SPIRE1: variants seen among roughly 807,000 people sequenced by gnomAD.
SPIRE1 encodes the protein protein spire homolog 1.
SPIRE1 carries 40 observed loss-of-function variants against 94.1 expected under a neutral mutation model. The ratio of observed to expected loss-of-function variants is 0.43; its 90% CI spans 0.33 to 0.55. SPIRE1 has a LOEUF of 0.55. SPIRE1 is among the 20% of genes least tolerant of loss of function. SPIRE1 has a pLI of 0.06. For synonymous variants in SPIRE1, 376 were observed against 371.7 expected (o/e 1.01, Z -0.13); for missense variants, 838 against 975.2 (o/e 0.86, Z 1.87).
chr18:12,546,805 C>G lies in SPIRE1; in HGVS notation c.472G>C (p.Asp158His). 1 of 1,614,038 alleles carries G rather than the reference C, an allele frequency of 6.2e-7. No homozygotes were observed. The highest frequency in any genetic ancestry group is 8.5e-7 in the Non-Finnish European group (1 of 1,179,998). ...ELSPPLEQLI[D>H]HMANTVEADG... Reference sequence around the variant, plus strand: ...GCTTCCACCGTGTTGGCCATGTGATCGATAAGCTGCTCTAGGGGAGGGCTT... The same window carrying G: ...GCTTCCACCGTGTTGGCCATGTGATGGATAAGCTGCTCTAGGGGAGGGCTT... The change falls in exon 3 of 17, where the codon GAT becomes CAT. Residue 158 changes from aspartate (D) to histidine (H), a missense_variant. This residue lies in a region of SPIRE1 where 645 missense variants were observed against 804.7 expected (regional missense o/e 0.80). Transcript: ENST00000409402.
At chr18:12,509,446 A>G (rs1173431791) in intron 5 of SPIRE1, among the ~76,000 whole-genome samples, 2 of 152,174 alleles carry the variant, frequency 1.3e-5, no homozygotes, top group Non-Finnish European at 2.9e-5. Flanking sequence ...TTTAAAATTT[A>G]TTGGCCAAGA....
At position 12,463,357 on chromosome 18, in the gene SPIRE1, G is replaced by A. The variant is rs1179839598; in HGVS notation, c.1632C>T (p.Arg544=). 1 of 1,613,118 alleles carries A rather than the reference G, an allele frequency of 6.2e-7. No individual in the cohort carries two copies. Among genetic ancestry groups the A allele is most frequent in the Non-Finnish European group, 8.5e-7 (1 of 1,179,522 alleles). The change falls in exon 12 of 17, where the codon CGC becomes CGT. Residue 544 remains arginine, a synonymous_variant. Transcript: ENST00000409402. ...QFLPPSRQSS[R]SLEEFCYPVE... is the part of the protein sequence containing the mutation. ...AAGTCTTTCCTGTACTTACAAGAGA[G>A]CGGGAACTCTGCCTGGAAGGCGGCA...
chr18:12,564,828 G>A (rs934387044), intron 2 of SPIRE1, among the ~76,000 whole-genome samples: 2 of 152,094 alleles, frequency 1.3e-5, no homozygotes, highest in Non-Finnish European at 2.9e-5. Context: ...ATGTTTTACC[G>A]AAGAGAACTG....
intron 10 of SPIRE1, among the ~76,000 whole-genome samples, chr18:12,466,582 T>C (rs1046814371): frequency 1.3e-5 from 2 of 152,178 alleles, no homozygotes; most frequent in Non-Finnish European, 2.9e-5. Flanking sequence ...GTCCAGCCTA[T>C]AGGCATTTTT....
At chr18:12,645,708 C>T (rs1432259433) in intron 1 of SPIRE1, among the ~76,000 whole-genome samples, 2 of 152,118 alleles carry the variant, frequency 1.3e-5, no homozygotes, top group African/African-American at 4.8e-5. Flanking sequence ...ATCTACAAAG[C>T]CCCTACATTT....
Position 12,506,540 on chromosome 18 carries a change from G to T in SPIRE1, c.909C>A (p.Leu303=), listed in dbSNP as rs775457586. Residue 303 remains leucine (L), a synonymous_variant, in exon 6 of 17, where the codon CTC becomes CTA. Transcript: ENST00000409402. ...QYNPLPIEYQ[L]TPYEMLMDDI... is the part of the protein sequence containing the mutation. ...CATCCATTAACATCTCATAAGGGGT[G>T]AGCTGATATTCAATGGGCAAAGGGT... 6 of 1,613,852 alleles carry T rather than the reference G, an allele frequency of 3.7e-6. No individual in the cohort carries two copies. In the African/African-American group the frequency reaches 8.0e-5, roughly 22 times the overall value.
At chr18:12,553,351 C>A (rs1196383591) in intron 2 of SPIRE1, among the ~76,000 whole-genome samples, 1 of 152,158 alleles carries the variant, frequency 6.6e-6, no homozygotes, top group Admixed American at 6.5e-5. Flanking sequence ...GCCCACTGCC[C>A]TGAAGGGTGA....
intron 4 of SPIRE1, among the ~76,000 whole-genome samples, chr18:12,521,711 G>C (rs992407468): frequency 2.6e-5 from 4 of 152,074 alleles, no homozygotes; most frequent in African/African-American, 9.7e-5. Flanking sequence ...ATTTTTCCTA[G>C]AGTATGTGCT....
chr18:12,480,602 T>C (rs2032803626), intron 9 of SPIRE1, among the ~76,000 whole-genome samples: 1 of 152,184 alleles, frequency 6.6e-6, no homozygotes, highest in African/African-American at 2.4e-5. Flanking sequence ...ACAATAAATG[T>C]TAGCAATTAT....
chr18:12,640,907 A>G (rs878906560), intron 1 of SPIRE1, among the ~76,000 whole-genome samples: 2 of 152,192 alleles, frequency 1.3e-5, no homozygotes, highest in Admixed American at 1.3e-4. Flanking sequence ...CAAGAGGGTC[A>G]GCTGCGTCCA....
At chr18:12,612,535 T>C (rs2037171968) in intron 2 of SPIRE1, among the ~76,000 whole-genome samples, 1 of 152,228 alleles carries the variant, frequency 6.6e-6, no homozygotes, top group Non-Finnish European at 1.5e-5. Flanking sequence ...CTAATCAAAC[T>C]GTGGTCCCAG....
At chr18:12,608,813 G>T (rs890053916) in intron 2 of SPIRE1, among the ~76,000 whole-genome samples, 4 of 152,166 alleles carry the variant, frequency 2.6e-5, no homozygotes, top group African/African-American at 9.7e-5. Flanking sequence ...CAAGGAACAG[G>T]TGCTAATACC....
chr18:12,567,109 G>A (rs1161259955), intron 2 of SPIRE1, among the ~76,000 whole-genome samples: 1 of 152,126 alleles, frequency 6.6e-6, no homozygotes, highest in African/African-American at 2.4e-5. Flanking sequence ...GAACTAATAA[G>A]CAATTATAGC....
chr18:12,479,572 C>G (rs2032762764), intron 10 of SPIRE1, 127 bp downstream of exon 10: 2 of 855,602 alleles, frequency 2.3e-6, no homozygotes, highest in Non-Finnish European at 3.4e-6. Flanking sequence ...AATTTTAATC[C>G]TAGCTTTACT....
intron 3 of SPIRE1, among the ~76,000 whole-genome samples, chr18:12,538,843 T>C (rs998200720): frequency 3.3e-5 from 5 of 152,194 alleles, no homozygotes; most frequent in African/African-American, 1.2e-4. Flanking sequence ...TTTATTCCCA[T>C]ACCACTCATA....
rs781195748 is a variant in SPIRE1, at chr18:12,449,784, T to C, written c.2125A>G (p.Ile709Val). The change falls in exon 17 of 17, where the codon ATT becomes GTT. Residue 709 changes from isoleucine to valine, a missense_variant. Ile to Val is a conservative substitution (Grantham distance 29). This residue lies in a region of SPIRE1 where 645 missense variants were observed against 804.7 expected (regional missense o/e 0.80). Coordinates refer to ENST00000409402, the MANE Select transcript of SPIRE1 (RefSeq NM_001128626.2). ...MEVCVDCKKFISEIISSSRRS... is the reference protein window; with the variant it reads ...MEVCVDCKKFVSEIISSSRRS... ...CGGCTTGAACTGATGATTTCCGAAA[T>C]GAACTTCTTGCAGTCCACACACACC... 3.7e-6 allele frequency: 6 copies of C among 1,614,128 alleles called. No individual in the cohort carries two copies. The highest frequency in any genetic ancestry group is 5.1e-6 in the Non-Finnish European group (6 of 1,180,026).
chr18:12,650,255 CAAAT>C (rs1428416285), intron 1 of SPIRE1, among the ~76,000 whole-genome samples: 2 of 150,850 alleles, frequency 1.3e-5, no homozygotes, highest in African/African-American at 2.4e-5. Context: ...AATAAATAAA[CAAAT>C]AAATAAAAGT....
At chr18:12,597,833 GCA>G (rs2036719647) in intron 2 of SPIRE1, among the ~76,000 whole-genome samples, 1 of 152,268 alleles carries the variant, frequency 6.6e-6, no homozygotes, top group South Asian at 2.1e-4. Flanking sequence ...GAATCAAATG[GCA>G]CAGATGCCCA....
rs1404697461 is a variant in SPIRE1, at chr18:12,559,294, TG to T, written c.373-12391del. ...CACAGTGCAGGCGGGCCAGCAGTGCTGGGGGACCCAGCGCACCCTCCACAGC... is the reference window on the plus strand; with the variant it reads ...CACAGTGCAGGCGGGCCAGCAGTGCTGGGGACCCAGCGCACCCTCCACAGC... On this transcript the variant is annotated intron_variant, in intron 2 of 16. Transcript: ENST00000409402. The surrounding 1 kb of genome is among the most constrained non-coding windows in gnomAD (Gnocchi z 4.7). Among the ~76,000 whole-genome samples, 1 of 152,124 alleles carries T rather than the reference TG, an allele frequency of 6.6e-6. No individual in the cohort carries two copies. Among genetic ancestry groups the T allele is most frequent in the Admixed American group, 6.5e-5 (1 of 15,286 alleles).
Sources: allele counts gnomAD v4.1 joint callset (sites outside exome capture counted in the v4.1 genomes callset), GRCh38; gene constraint gnomAD v4.1.1; regional missense constraint gnomAD v4.1.1; non-coding constraint Gnocchi (gnomAD v3.1); transcripts MANE v1.5; gene names NCBI Gene and HGNC (gene_info 2026-07-23, HGNC 2026-07-21).